COL5A2: variants seen among roughly 807,000 people sequenced by gnomAD.
COL5A2 encodes collagen alpha-2(V) chain.
In COL5A2, 23 loss-of-function variants were observed where a neutral mutation model predicts 208.2. The observed-to-expected ratio is 0.11, with a 90% CI of 0.08 to 0.16. The LOEUF (loss-of-function observed/expected upper bound fraction) is 0.16, where lower values mean the gene tolerates loss of function less well. Ranked by LOEUF, COL5A2 falls within the 10% of genes least tolerant of loss-of-function variation. The pLI, the probability that COL5A2 is intolerant of heterozygous loss-of-function variation, is 1.00. For synonymous variants in COL5A2, 625 were observed against 628.5 expected, an observed-to-expected ratio of 0.99 and a Z score of 0.08; for missense variants, 1,590 against 1,956.4, an observed-to-expected ratio of 0.81 and a Z score of 3.53.
At chr2:189,422,306 T>C in the COL5A2 span, among the ~76,000 whole-genome samples, 2 of 151,898 alleles carry the variant, frequency 1.3e-5, no homozygotes, top group African/African-American at 4.8e-5. Flanking sequence ...AAACAATAAG[T>C]GACCAGAATG....
At chr2:189,366,710 A>C in the COL5A2 span, among the ~76,000 whole-genome samples, 1 of 152,034 alleles carries the variant, frequency 6.6e-6, no homozygotes, top group Non-Finnish European at 1.5e-5. Flanking sequence ...CCAAAGAACT[A>C]CCTCTCTTTA....
the COL5A2 span, among the ~76,000 whole-genome samples, chr2:189,274,381 T>C: frequency 2.0e-5 from 3 of 152,176 alleles, no homozygotes; most frequent in African/African-American, 2.4e-5. Context: ...ACACAACACA[T>C]AGCATTTCAC....
the COL5A2 span, among the ~76,000 whole-genome samples, chr2:189,424,136 A>T: frequency 6.6e-6 from 1 of 152,218 alleles, no homozygotes; most frequent in Non-Finnish European, 1.5e-5. Flanking sequence ...GCACTTGACA[A>T]AATTTAACAT....
At chr2:189,060,671 A>G (rs1686009534) in intron 31 of COL5A2, 59 bp downstream of exon 31, 12 of 1,405,528 alleles carry the variant, frequency 8.5e-6, no homozygotes, top group Non-Finnish European at 1.2e-5. Flanking sequence ...TCACACATAA[A>G]AAGTGATAAT....
intron 1 of COL5A2, among the ~76,000 whole-genome samples, chr2:189,175,787 A>C (rs1192235963): frequency 1.3e-5 from 2 of 152,118 alleles, no homozygotes; most frequent in African/African-American, 4.8e-5. Flanking sequence ...TCCTGACCTC[A>C]GGTGATCCGC....
the COL5A2 span, among the ~76,000 whole-genome samples, chr2:189,246,842 A>G: frequency 6.6e-6 from 1 of 152,192 alleles, no homozygotes; most frequent in African/African-American, 2.4e-5. Flanking sequence ...ACACAGCCTG[A>G]AGAAGTGTTT....
chr2:189,163,370 C>T (rs1688406718), intron 1 of COL5A2, among the ~76,000 whole-genome samples: 1 of 152,206 alleles, frequency 6.6e-6, no homozygotes, highest in African/African-American at 2.4e-5. Flanking sequence ...TGTGGCTAAA[C>T]AGCATAACAC....
the COL5A2 span, among the ~76,000 whole-genome samples, chr2:189,266,670 G>C: frequency 6.6e-6 from 1 of 151,948 alleles, no homozygotes; most frequent in Non-Finnish European, 1.5e-5. Flanking sequence ...TTGGGGATGG[G>C]GTGATGAAAA....
At chr2:189,174,555 A>G (rs1463465846) in intron 1 of COL5A2, among the ~76,000 whole-genome samples, 2 of 152,224 alleles carry the variant, frequency 1.3e-5, no homozygotes, top group Non-Finnish European at 2.9e-5. Flanking sequence ...AGTGTCAGTC[A>G]AAGATTTAAT....
the COL5A2 span, among the ~76,000 whole-genome samples, chr2:189,430,280 G>A: frequency 6.6e-6 from 1 of 152,144 alleles, no homozygotes; most frequent in Non-Finnish European, 1.5e-5. Context: ...ATCTAATGGA[G>A]GGGTTCTAAA....
chr2:189,263,611 C>G, the COL5A2 span, among the ~76,000 whole-genome samples: 1 of 152,128 alleles, frequency 6.6e-6, no homozygotes, highest in South Asian at 2.1e-4. Flanking sequence ...CTCACTCACT[C>G]AGAGCAATTT....
At chr2:189,250,845 C>A in the COL5A2 span, among the ~76,000 whole-genome samples, 1 of 152,182 alleles carries the variant, frequency 6.6e-6, no homozygotes, top group Non-Finnish European at 1.5e-5. Context: ...CATCTTCATT[C>A]CTTTACCCTT....
At chr2:189,113,514 T>C (rs1004155496) in intron 1 of COL5A2, among the ~76,000 whole-genome samples, 1 of 150,752 alleles carries the variant, frequency 6.6e-6, no homozygotes, top group Admixed American at 6.6e-5. Flanking sequence ...TTATATATAT[T>C]ATATATGTTA....
the COL5A2 span, among the ~76,000 whole-genome samples, chr2:189,406,352 T>A: frequency 6.6e-6 from 1 of 152,206 alleles, no homozygotes; most frequent in African/African-American, 2.4e-5. Context: ...AGACTCCATC[T>A]TTGGGATAAT....
intron 1 of COL5A2, among the ~76,000 whole-genome samples, chr2:189,189,446 G>C (rs1688896290): frequency 6.6e-6 from 1 of 152,188 alleles, no homozygotes; most frequent in African/African-American, 2.4e-5. Context: ...TTACTTGGGA[G>C]GCCAAGGCCG....
intron 1 of COL5A2, among the ~76,000 whole-genome samples, chr2:189,117,754 T>C (rs1687422361): frequency 6.6e-6 from 1 of 151,940 alleles, no homozygotes; most frequent in Non-Finnish European, 1.5e-5. Context: ...TCTTTTAATG[T>C]AGTAGTTACC....
intron 1 of COL5A2, among the ~76,000 whole-genome samples, chr2:189,126,458 T>C (rs1687609803): frequency 6.6e-6 from 1 of 152,074 alleles, no homozygotes. Flanking sequence ...TTCATAGTGC[T>C]AAACAAGAAT....
the COL5A2 span, among the ~76,000 whole-genome samples, chr2:189,233,103 A>G: frequency 2.6e-5 from 4 of 151,766 alleles, no homozygotes; most frequent in Middle Eastern, 3.2e-3. Flanking sequence ...ATAGAGCAAG[A>G]AAACTTCCAT....
At chr2:189,365,363 G>A in the COL5A2 span, among the ~76,000 whole-genome samples, 8 of 152,176 alleles carry the variant, frequency 5.3e-5, no homozygotes, top group Non-Finnish European at 7.3e-5. Context: ...CATCTTGAAT[G>A]ACAGAGACAA....
Sources: gnomAD v4.1 joint callset for allele counts (sites outside exome capture counted in the v4.1 genomes callset) on GRCh38, gnomAD v4.1.1 for gene constraint, MANE v1.5 for transcripts, NCBI Gene and HGNC (gene_info 2026-07-23, HGNC 2026-07-21) for gene names.